The following AHCY variants were observed in gnomAD, a reference collection of about 807,000 sequenced individuals.
AHCY encodes the protein S-adenosyl-L-homocysteine hydrolase.
AHCY carries 24 observed loss-of-function variants against 45.4 expected under a neutral mutation model. The observed-to-expected ratio is 0.53, with a 90% CI of 0.38 to 0.74. The LOEUF is 0.74. Ranked by LOEUF, AHCY falls within the 30% of genes least tolerant of loss-of-function variation. The pLI is 0.00. For missense variants in AHCY, 449 were observed against 594.1 expected, an observed-to-expected ratio of 0.76 and a Z score of 2.54; for synonymous variants, 245 against 235.1, an observed-to-expected ratio of 1.04 and a Z score of -0.39.
At chr20:34,299,658 G>A (rs1437148678) in intron 1 of AHCY, among the ~76,000 whole-genome samples, 1 of 152,134 alleles carries the variant, frequency 6.6e-6, no homozygotes, top group Admixed American at 6.5e-5. Flanking sequence ...TGGATGTCCA[G>A]TTGGATCTAT....
At chr20:34,301,684 C>A in intron 1 of AHCY, 4 of 519,418 alleles carry the variant, frequency 7.7e-6, no homozygotes, top group Non-Finnish European at 9.9e-6. Context: ...TGGCCCCAAT[C>A]CTGACCCACT....
chr20:34,234,227 T>C, the AHCY span, among the ~76,000 whole-genome samples: 1 of 152,188 alleles, frequency 6.6e-6, no homozygotes, highest in Non-Finnish European at 1.5e-5. Context: ...GTGGCTACAA[T>C]TTGTTTCCAG....
chr20:34,303,434 C>G, upstream of AHCY: 1 of 1,033,252 alleles, frequency 9.7e-7, no homozygotes, highest in South Asian at 1.4e-5. Context: ...GGGCCCAACG[C>G]GCAGGGCGGA....
the AHCY span, among the ~76,000 whole-genome samples, chr20:34,264,317 G>T: frequency 6.6e-6 from 1 of 152,132 alleles, no homozygotes; most frequent in Non-Finnish European, 1.5e-5. Flanking sequence ...TTGCCATTGC[G>T]GCATGCTCAG....
At chr20:34,306,116 GA>G (rs1207071867), upstream of AHCY, among the ~76,000 whole-genome samples, 1 of 150,094 alleles carries the variant, frequency 6.7e-6, no homozygotes, top group Non-Finnish European at 1.5e-5. Flanking sequence ...AAAGAAATGT[GA>G]ATTTACATGC....
chr20:34,253,398 G>A, the AHCY span, among the ~76,000 whole-genome samples: 22 of 150,608 alleles, frequency 1.5e-4, no homozygotes, highest in African/African-American at 3.9e-4. Context: ...GAGCCACCGC[G>A]CCCAGCCTGA....
chr20:34,290,715 C>G lies in AHCY; in HGVS notation c.766+16G>C, dbSNP rs763900505. ...CTGGCCCCAGTGGCTGACAACCAACCCTTGCCCTATCCTACCCTCCATGGC... is the reference window on the plus strand; with the variant it reads ...CTGGCCCCAGTGGCTGACAACCAACGCTTGCCCTATCCTACCCTCCATGGC... On this transcript the variant is annotated intron_variant, in intron 6 of 9. Coordinates refer to ENST00000217426, the MANE Select transcript of AHCY (RefSeq NM_000687.4). This position sits in a 1 kb window ranked among gnomAD's most constrained non-coding sequence, Gnocchi z 4.5. The G allele has an allele frequency of 1.2e-6, 2 of 1,613,810 alleles. No individual in the cohort carries two copies. The highest frequency in any genetic ancestry group is 8.5e-7 in the Non-Finnish European group (1 of 1,179,976).
intron 1 of AHCY, chr20:34,302,703 G>C (rs1038268824): frequency 4.0e-6 from 4 of 987,738 alleles, no homozygotes; most frequent in Non-Finnish European, 3.6e-6. Flanking sequence ...GGAGGGGTGG[G>C]GGACCCCACA....
Position 34,291,434 on chromosome 20 carries a change from A to G in AHCY, c.543T>C (p.Asn181=), listed in dbSNP as rs1178964669. ...GILKVPAINV[N]DSVTKSKFDN... ...CTCGGCTCACCTTGGTGACGGAGTCATTGACATTGATGGCAGGCACCTTGA... is the reference window on the plus strand; with the variant it reads ...CTCGGCTCACCTTGGTGACGGAGTCGTTGACATTGATGGCAGGCACCTTGA... Residue 181 remains asparagine (N), a synonymous_variant, in exon 5 of 10, where the codon AAT becomes AAC. Transcript: ENST00000217426. The G allele has an allele frequency of 1.2e-6, 2 of 1,614,060 alleles. No individual in the cohort carries two copies. Among genetic ancestry groups the G allele is most frequent in the East Asian group, 4.5e-5 (2 of 44,872 alleles).
the AHCY span, among the ~76,000 whole-genome samples, chr20:34,261,965 T>G: frequency 6.6e-6 from 1 of 151,536 alleles, no homozygotes; most frequent in African/African-American, 2.4e-5. Context: ...ATACAAAAAT[T>G]AGCCAGGTGT....
the AHCY span, among the ~76,000 whole-genome samples, chr20:34,237,142 T>C: frequency 1.3e-5 from 2 of 152,210 alleles, no homozygotes; most frequent in Non-Finnish European, 2.9e-5. Flanking sequence ...GGCTTTGTAG[T>C]AAGTTTTGAA....
chr20:34,269,452 C>T, the AHCY span: 1 of 428,134 alleles, frequency 2.3e-6, no homozygotes, highest in Non-Finnish European at 4.1e-6. Flanking sequence ...GTCCCAGCCT[C>T]ACAGCTGCAC....
chr20:34,292,957 G>A (rs920367902), intron 3 of AHCY, among the ~76,000 whole-genome samples: 11 of 152,132 alleles, frequency 7.2e-5, no homozygotes, highest in Admixed American at 2.0e-4. Flanking sequence ...GGATCCACAC[G>A]GCAGGATCCA....
chr20:34,298,618 G>A (rs933180370), intron 1 of AHCY, among the ~76,000 whole-genome samples: 1 of 139,286 alleles, frequency 7.2e-6, no homozygotes, highest in Admixed American at 7.5e-5. Context: ...GAGGGGGGGG[G>A]GTGTCTCCCT....
the AHCY span, among the ~76,000 whole-genome samples, chr20:34,245,771 A>G: frequency 2.6e-5 from 4 of 152,182 alleles, no homozygotes; most frequent in Non-Finnish European, 5.9e-5. Context: ...TTGGCAATTA[A>G]AAAAACAAGC....
At chr20:34,279,861 C>T (rs1038470017), downstream of AHCY, among the ~76,000 whole-genome samples, 2 of 152,120 alleles carry the variant, frequency 1.3e-5, no homozygotes, top group South Asian at 2.1e-4. Context: ...CAGTGGCTCA[C>T]GCCTATAATC....
intron 1 of AHCY, among the ~76,000 whole-genome samples, chr20:34,299,343 G>A (rs2036693337): frequency 6.6e-6 from 1 of 152,170 alleles, no homozygotes; most frequent in Non-Finnish European, 1.5e-5. Flanking sequence ...TCTACCAGCA[G>A]CACAGATTGC....
the AHCY span, among the ~76,000 whole-genome samples, chr20:34,272,930 G>C: frequency 6.6e-6 from 1 of 152,186 alleles, no homozygotes; most frequent in Non-Finnish European, 1.5e-5. Context: ...CTATTACAAA[G>C]GCTGCAGATG....
upstream of AHCY, chr20:34,303,422 C>T (rs761211124): frequency 5.4e-4 from 617 of 1,136,942 alleles, no homozygotes; most frequent in Non-Finnish European, 7.1e-4. Context: ...CCCGCTGGGG[C>T]GGGGCCCAAC....
Sources: gnomAD v4.1 joint callset for allele counts (sites outside exome capture counted in the v4.1 genomes callset) on GRCh38, gnomAD v4.1.1 for gene constraint, Gnocchi (gnomAD v3.1) non-coding constraint, MANE v1.5 for transcripts, NCBI Gene and HGNC (gene_info 2026-07-23, HGNC 2026-07-21) for gene names.